Variants in CTNNA1 observed in about 807,000 individuals in gnomAD.
CTNNA1 encodes the protein catenin alpha 1, also known as catenin alpha-1.
Under a neutral mutation model 98.4 loss-of-function variants are expected in CTNNA1, and 37 were observed. That is an observed-to-expected ratio of 0.38 (90% CI 0.29 to 0.49). The LOEUF is 0.49. CTNNA1 is among the 20% of genes least tolerant of loss of function. The probability of loss-of-function intolerance (pLI) is 0.95; values close to 1 mark genes in which losing one functional copy is unlikely to be tolerated. For synonymous variants in CTNNA1, 404 were observed against 413.2 expected (o/e 0.98, Z 0.27); for missense variants, 761 against 1,147.2 (o/e 0.66, Z 4.86).
At chr5:138,924,290 TTTTTTA>T (rs1206193458) in intron 11 of CTNNA1, among the ~76,000 whole-genome samples, 4 of 137,522 alleles carry the variant, frequency 2.9e-5, no homozygotes, top group Non-Finnish European at 6.5e-5. Context: ...TTGTTTTTTT[TTTTTTA>T]AAAACCTGGA....
chr5:138,905,320 T>C (rs1759001793), intron 10 of CTNNA1, among the ~76,000 whole-genome samples: 1 of 152,048 alleles, frequency 6.6e-6, no homozygotes, highest in Admixed American at 6.6e-5. Context: ...GTGCCTTCCA[T>C]TGCTGGAAAA....
At chr5:138,914,435 T>C (rs890107587) in intron 10 of CTNNA1, among the ~76,000 whole-genome samples, 2 of 152,210 alleles carry the variant, frequency 1.3e-5, no homozygotes, top group African/African-American at 4.8e-5. Context: ...GACCACAGCA[T>C]AACGTGAGAA....
intron 1 of CTNNA1, among the ~76,000 whole-genome samples, chr5:138,760,585 C>CT (rs911283584): frequency 4.7e-4 from 72 of 152,094 alleles, no homozygotes; most frequent in African/African-American, 1.5e-3. Flanking sequence ...AGGCTGGTCT[C>CT]TAACTCCTGA....
At chr5:138,764,388 A>G (rs1414492872) in intron 1 of CTNNA1, among the ~76,000 whole-genome samples, 1 of 152,090 alleles carries the variant, frequency 6.6e-6, no homozygotes, top group Non-Finnish European at 1.5e-5. Context: ...GAAACCTTCC[A>G]TTTTGCAGAG....
rs567724166 is a variant in CTNNA1, at chr5:138,756,007, G to A, written c.-3+2497G>A. ...CCTCCGGAGTAGCTGGGATTACTAA[G>A]TGCAAGCTACCACGCCCGGCTTATT... On this transcript the variant is annotated intron_variant, in intron 1 of 17. Transcript: ENST00000302763. 8.5e-4 allele frequency among the ~76,000 whole-genome samples: 127 copies of A among 148,810 alleles called. 1 individual carries two copies. Among genetic ancestry groups the A allele is most frequent in the Middle Eastern group, 3.4e-3 (1 of 294 alleles).
chr5:138,871,971 T>G (rs1489345859), intron 7 of CTNNA1: 2 of 151,834 alleles, frequency 1.3e-5, no homozygotes, highest in Non-Finnish European at 2.9e-5. Context: ...AGAAAGAGGT[T>G]TAAACCCCTT....
At chr5:138,782,367 C>G (rs987768719) in intron 2 of CTNNA1, 14 of 456,542 alleles carry the variant, frequency 3.1e-5, no homozygotes, top group Non-Finnish European at 6.1e-5. Flanking sequence ...TCTCACTCTG[C>G]TTAACACACC....
intron 7 of CTNNA1, among the ~76,000 whole-genome samples, chr5:138,843,192 A>G (rs1441445239): frequency 6.6e-6 from 1 of 152,272 alleles, no homozygotes; most frequent in Non-Finnish European, 1.5e-5. Context: ...AGAAAAACCA[A>G]TGGAAAGGTG....
At chr5:138,844,158 T>A (rs1449081865) in intron 7 of CTNNA1, among the ~76,000 whole-genome samples, 1 of 152,176 alleles carries the variant, frequency 6.6e-6, no homozygotes, top group Non-Finnish European at 1.5e-5. Context: ...TAAAAATTTT[T>A]AAAATTTTAA....
At chr5:138,913,886 G>A (rs1174103893) in intron 10 of CTNNA1, among the ~76,000 whole-genome samples, 1 of 152,098 alleles carries the variant, frequency 6.6e-6, no homozygotes, top group Non-Finnish European at 1.5e-5. Context: ...AGGGTCTCAT[G>A]GTTACTCAGG....
intron 5 of CTNNA1, among the ~76,000 whole-genome samples, chr5:138,820,804 C>CT (rs1416941492): frequency 6.6e-6 from 1 of 152,114 alleles, no homozygotes; most frequent in African/African-American, 2.4e-5. Flanking sequence ...GTTTTAAACC[C>CT]TTTGTAAACA....
intron 1 of CTNNA1, among the ~76,000 whole-genome samples, chr5:138,771,627 T>G (rs1753566729): frequency 6.6e-6 from 1 of 152,164 alleles, no homozygotes; most frequent in Non-Finnish European, 1.5e-5. Context: ...GCTCAAGTGA[T>G]CCTCCCACCT....
intron 14 of CTNNA1, 112 bp downstream of exon 14, chr5:138,929,468 GTC>G (rs2150326608): frequency 1.6e-6 from 1 of 632,454 alleles, no homozygotes; most frequent in Non-Finnish European, 2.8e-6. Flanking sequence ...CTCTCTCTCT[GTC>G]TCTCTGGCAG....
intron 7 of CTNNA1, among the ~76,000 whole-genome samples, chr5:138,885,491 C>CAACTGCT (rs1446076271): frequency 6.6e-6 from 1 of 152,138 alleles, no homozygotes; most frequent in African/African-American, 2.4e-5. Flanking sequence ...CCTTTTCTTT[C>CAACTGCT]AACTGCTATT....
rs372188062 is a variant in CTNNA1 at position 138,933,347 on chromosome 5, A to G, written c.2434-455A>G. Among the ~76,000 whole-genome samples, 9 of 152,200 alleles carry G rather than the reference A, an allele frequency of 5.9e-5. No homozygotes were observed. The East Asian group carries it at 1.5e-3, about 26-fold the overall frequency. On this transcript the variant is annotated intron_variant, in intron 17 of 17. Transcript: ENST00000302763. ...TTGCTGAGTGGATTGGGGTCCACCGAGCCTCCATGGCTTCTCTTAATCCCA... is the reference window on the plus strand; with the variant it reads ...TTGCTGAGTGGATTGGGGTCCACCGGGCCTCCATGGCTTCTCTTAATCCCA...
intron 16 of CTNNA1, chr5:138,931,790 C>T: frequency 1.0e-6 from 1 of 985,522 alleles, no homozygotes; most frequent in Non-Finnish European, 1.2e-6. Flanking sequence ...ACTTAGAATA[C>T]AGCTCATCTC....
At chr5:138,837,047 A>G (rs572073242) in intron 7 of CTNNA1, among the ~76,000 whole-genome samples, 1 of 152,238 alleles carries the variant, frequency 6.6e-6, no homozygotes, top group East Asian at 1.9e-4. Flanking sequence ...TGGAAATTTG[A>G]TGGTTTTTCA....
intron 1 of CTNNA1, among the ~76,000 whole-genome samples, chr5:138,767,847 C>T (rs943249571): frequency 6.6e-6 from 1 of 152,294 alleles, no homozygotes; most frequent in East Asian, 1.9e-4. Context: ...ACTACTGTCA[C>T]ACTCAAGACC....
In CTNNA1 at chr5:138,892,751, T is replaced by A. The variant is rs1581524485; in HGVS notation, c.1296+5109T>A. ...AAAAATTCAGGCTGAGTGCGGTGGA[T>A]CATGCCTGTAATCCCAGCACTTTGG... On this transcript the variant is annotated intron_variant, in intron 9 of 17. Coordinates refer to ENST00000302763, the MANE Select transcript of CTNNA1 (RefSeq NM_001903.5). 2.6e-5 allele frequency among the ~76,000 whole-genome samples: 4 copies of A among 152,064 alleles called. No homozygotes were observed. The East Asian group carries it at 7.8e-4, about 30-fold the overall frequency.
Sources: allele counts gnomAD v4.1 joint callset (sites outside exome capture counted in the v4.1 genomes callset), GRCh38; gene constraint gnomAD v4.1.1; transcripts MANE v1.5; gene names NCBI Gene and HGNC (gene_info 2026-07-23, HGNC 2026-07-21).